The following PARD3B variants were observed in gnomAD, a reference collection of about 807,000 sequenced individuals.
PARD3B encodes par-3 family cell polarity regulator beta.
PARD3B carries 103 observed loss-of-function variants against 130.2 expected under a neutral mutation model. That is an observed-to-expected ratio of 0.79 (90% CI 0.67 to 0.93). The LOEUF is 0.93. PARD3B is among the 40% of genes least tolerant of loss of function. The probability of loss-of-function intolerance (pLI) is 0.00; values close to 1 mark genes in which losing one functional copy is unlikely to be tolerated. For missense variants in PARD3B, 1,609 were observed against 1,499.2 expected, an observed-to-expected ratio of 1.07 and a Z score of -1.21; for synonymous variants, 583 against 553.2, an observed-to-expected ratio of 1.05 and a Z score of -0.76.
At position 205,118,157 on chromosome 2, in the gene PARD3B, C is replaced by G. The variant is rs192923220; in HGVS notation, c.681-764C>G. Among the ~76,000 whole-genome samples the G allele has an allele frequency of 2.0e-5, 3 of 152,276 alleles. No homozygotes were observed. The East Asian group carries it at 5.8e-4, about 29-fold the overall frequency. On this transcript the variant is annotated intron_variant, in intron 6 of 22. Coordinates refer to ENST00000406610, the MANE Select transcript of PARD3B (RefSeq NM_001302769.2). ...CGGAAGCGGGGTCTGCTAGATGCCCCCCTCCAGGTCCATCAGATTAAGTTC... is the reference window on the plus strand; with the variant it reads ...CGGAAGCGGGGTCTGCTAGATGCCCGCCTCCAGGTCCATCAGATTAAGTTC...
At chr2:204,729,842 G>A (rs2039410740) in intron 2 of PARD3B, among the ~76,000 whole-genome samples, 1 of 151,562 alleles carries the variant, frequency 6.6e-6, no homozygotes, top group South Asian at 2.1e-4. Context: ...AAAATTTTTT[G>A]TTTATCTATT....
At chr2:205,512,814 T>G (rs2050637135) in intron 21 of PARD3B, among the ~76,000 whole-genome samples, 1 of 152,104 alleles carries the variant, frequency 6.6e-6, no homozygotes, top group Admixed American at 6.6e-5. Flanking sequence ...TGGTGTCTTT[T>G]CTTTAATGAA....
intron 10 of PARD3B, among the ~76,000 whole-genome samples, chr2:205,156,317 A>G (rs2034152976): frequency 6.6e-6 from 1 of 151,270 alleles, no homozygotes; most frequent in Non-Finnish European, 1.5e-5. Flanking sequence ...ATGCTAAATG[A>G]CGAGTTAATG....
Position 205,193,283 on chromosome 2 carries a change from A to C in PARD3B, c.2103A>C (p.Glu701Asp), listed in dbSNP as rs762595993. 6.2e-7 allele frequency: 1 copy of C among 1,613,398 alleles called. No individual in the cohort carries two copies. Among genetic ancestry groups the C allele is most frequent in the Non-Finnish European group, 8.5e-7 (1 of 1,179,334 alleles). ...FRSVTPARQPESINLKASKSM... is the reference protein window; with the variant it reads ...FRSVTPARQPDSINLKASKSM... ...CTGTGACACCGGCCAGGCAGCCTGA[A>C]TCAATTAATTTGAAAGCCTCGAAGA... The change falls in exon 15 of 23, where the codon GAA becomes GAC. Residue 701 changes from glutamate to aspartate, a missense_variant. By Grantham distance (45) the Glu-to-Asp change is conservative. Coordinates refer to ENST00000406610, the MANE Select transcript of PARD3B (RefSeq NM_001302769.2).
intron 2 of PARD3B, among the ~76,000 whole-genome samples, chr2:204,819,751 C>G (rs2043271212): frequency 6.6e-6 from 1 of 152,072 alleles, no homozygotes; most frequent in Non-Finnish European, 1.5e-5. Flanking sequence ...GAAAGGCAAG[C>G]AAAACAGCCT....
chr2:205,389,336 A>G (rs142919946), intron 18 of PARD3B, among the ~76,000 whole-genome samples: 72 of 152,272 alleles, frequency 4.7e-4, no homozygotes, highest in African/African-American at 1.5e-3. Context: ...GAAAGAGTAC[A>G]TACAAATGGA....
In PARD3B at chr2:205,183,185, G is replaced by A. The variant is rs1413489641; in HGVS notation, c.1925-2579G>A. Among the ~76,000 whole-genome samples, 1 of 152,160 alleles carries A rather than the reference G, an allele frequency of 6.6e-6. No individual in the cohort carries two copies. The highest frequency in any genetic ancestry group is 1.5e-5 in the Non-Finnish European group (1 of 68,020). On this transcript the variant is annotated intron_variant, in intron 13 of 22. Transcript: ENST00000406610. The surrounding 1 kb of genome is among the most constrained non-coding windows in gnomAD (Gnocchi z 5.2). ...GCAGTTACATAAGCAAAGATACTGA[G>A]GCAGGAACACCCAGGGGTGTTGGCA...
At chr2:205,426,800 T>A (rs1217434285) in intron 19 of PARD3B, among the ~76,000 whole-genome samples, 2 of 152,126 alleles carry the variant, frequency 1.3e-5, no homozygotes, top group African/African-American at 4.8e-5. Flanking sequence ...TATGAAACAC[T>A]AATCAATAAT....
chr2:204,847,444 C>T (rs2044509827), intron 2 of PARD3B, among the ~76,000 whole-genome samples: 2 of 152,080 alleles, frequency 1.3e-5, no homozygotes, highest in South Asian at 4.1e-4. Context: ...ATACAGTTGT[C>T]CCCCTTTATC....
intron 1 of PARD3B, among the ~76,000 whole-genome samples, chr2:204,589,131 C>T (rs2032964880): frequency 6.6e-6 from 1 of 152,090 alleles, no homozygotes; most frequent in African/African-American, 2.4e-5. Flanking sequence ...CCTCAAGGAG[C>T]TGTATATACC....
intron 22 of PARD3B, among the ~76,000 whole-genome samples, chr2:205,613,164 AT>A (rs1379164105): frequency 6.6e-6 from 1 of 152,242 alleles, no homozygotes; most frequent in Non-Finnish European, 1.5e-5. Flanking sequence ...GGAAGCATTC[AT>A]GCTAAGAGAG....
At chr2:205,542,943 G>C (rs1186442145) in intron 21 of PARD3B, among the ~76,000 whole-genome samples, 4 of 152,092 alleles carry the variant, frequency 2.6e-5, no homozygotes, top group Non-Finnish European at 5.9e-5. Flanking sequence ...ATGTCATGAG[G>C]GTAAAGCTCC....
chr2:204,723,518 C>A (rs1462206701), intron 2 of PARD3B, among the ~76,000 whole-genome samples: 3 of 152,070 alleles, frequency 2.0e-5, no homozygotes, highest in Admixed American at 1.3e-4. Context: ...AAACAAGAAT[C>A]AATTTCTTAA....
intron 18 of PARD3B, among the ~76,000 whole-genome samples, chr2:205,386,983 ATAAT>A (rs2045683499): frequency 6.6e-6 from 1 of 152,218 alleles, no homozygotes; most frequent in African/African-American, 2.4e-5. Context: ...ACAGAGGTAG[ATAAT>A]TAAACAATAT....
intron 2 of PARD3B, among the ~76,000 whole-genome samples, chr2:204,952,336 T>A (rs1191579409): frequency 1.3e-5 from 2 of 152,150 alleles, no homozygotes; most frequent in African/African-American, 4.8e-5. Context: ...TCAAAACACT[T>A]CCCACCTGCT....
At chr2:205,415,161 T>C (rs1318890712) in intron 19 of PARD3B, among the ~76,000 whole-genome samples, 1 of 152,198 alleles carries the variant, frequency 6.6e-6, no homozygotes, top group Non-Finnish European at 1.5e-5. Context: ...GATCATAGCT[T>C]TAACAAAATG....
At chr2:204,935,504 A>T (rs1032793800) in intron 2 of PARD3B, among the ~76,000 whole-genome samples, 1 of 151,678 alleles carries the variant, frequency 6.6e-6, no homozygotes. Context: ...GCGCCACTGT[A>T]CTCCAGCCTG....
rs1280025753 is a variant in PARD3B, at chr2:205,280,891, G to A, written c.2186-19639G>A. On this transcript the variant is annotated intron_variant, in intron 16 of 22. Coordinates refer to ENST00000406610, the MANE Select transcript of PARD3B (RefSeq NM_001302769.2). This position sits in a 1 kb window ranked among gnomAD's most constrained non-coding sequence, Gnocchi z 4.7. Reference sequence around the variant, plus strand: ...GATGAAGTGTTTATTTAGTTTGCTGGCTGTTTCAAGATGCTGTGGCGTATT... The same window carrying A: ...GATGAAGTGTTTATTTAGTTTGCTGACTGTTTCAAGATGCTGTGGCGTATT... Among the ~76,000 whole-genome samples, 1 of 152,168 alleles carries A rather than the reference G, an allele frequency of 6.6e-6. No homozygotes were observed. The highest frequency in any genetic ancestry group is 1.5e-5 in the Non-Finnish European group (1 of 68,026).
intron 1 of PARD3B, among the ~76,000 whole-genome samples, chr2:204,563,462 A>G (rs1056674297): frequency 2.0e-5 from 3 of 152,114 alleles, no homozygotes; most frequent in Middle Eastern, 3.4e-3. Context: ...AATAATGGCA[A>G]TTTGTTTTTA....
Sources: allele counts gnomAD v4.1 joint callset (sites outside exome capture counted in the v4.1 genomes callset), GRCh38; gene constraint gnomAD v4.1.1; non-coding constraint Gnocchi (gnomAD v3.1); transcripts MANE v1.5; gene names NCBI Gene and HGNC (gene_info 2026-07-23, HGNC 2026-07-21).